ABLIM2: variants seen among roughly 807,000 people sequenced by gnomAD.
ABLIM2 encodes the protein actin binding LIM protein family member 2.
In ABLIM2, 53 loss-of-function variants were observed where a neutral mutation model predicts 97.7. That is an observed-to-expected ratio of 0.54 (90% CI 0.44 to 0.68). The LOEUF (loss-of-function observed/expected upper bound fraction) is 0.68. ABLIM2 is among the 30% of genes least tolerant of loss of function. ABLIM2 has a pLI of 0.00. For synonymous variants in ABLIM2, 361 were observed against 345.8 expected, an observed-to-expected ratio of 1.04 and a Z score of -0.49; for missense variants, 835 against 867.2, an observed-to-expected ratio of 0.96 and a Z score of 0.47.
In ABLIM2 at chr4:8,068,971, C is replaced by T. The variant is rs1809911091; in HGVS notation, c.676-7917G>A. On this transcript the variant is annotated intron_variant, in intron 6 of 20. Transcript: ENST00000447017. This position sits in a 1 kb window ranked among gnomAD's most constrained non-coding sequence, Gnocchi z 4.5. ...GCCAGGACAGAATCCCCAGAATCCC[C>T]AGGGGCCACTGCATCCCAGAAAGAA... Among the ~76,000 whole-genome samples, 1 of 152,276 alleles carries T rather than the reference C, an allele frequency of 6.6e-6. No individual in the cohort carries two copies. The highest frequency in any genetic ancestry group is 2.4e-5 in the African/African-American group (1 of 41,482).
chr4:7,994,032 G>A, intron 16 of ABLIM2: 1 of 464,108 alleles, frequency 2.2e-6, no homozygotes, highest in Non-Finnish European at 4.3e-6. Flanking sequence ...GGAAGGGGCA[G>A]AGCCTGGACC....
chr4:8,063,386 G>A (rs568017873), intron 6 of ABLIM2, among the ~76,000 whole-genome samples: 8 of 152,204 alleles, frequency 5.3e-5, no homozygotes, highest in African/African-American at 1.9e-4. Context: ...TTTCTAAGAC[G>A]ATGGGCTTGA....
rs114990640 is a variant in ABLIM2, at chr4:8,028,382, C to T, written c.1169-525G>A. ...TGCCCTTAGCTCACCTGCTCACCTG[C>T]TCACTCACTCACTCATTTATTCACT... On this transcript the variant is annotated intron_variant, in intron 11 of 20. Coordinates refer to ENST00000447017, the MANE Select transcript of ABLIM2 (RefSeq NM_001130083.2). Among the ~76,000 whole-genome samples, 825 of 152,286 alleles carry T rather than the reference C, an allele frequency of 5.4e-3. 9 individuals are homozygous for T. The highest frequency in any genetic ancestry group is 0.018 in the African/African-American group (757 of 41,540).
intron 3 of ABLIM2, among the ~76,000 whole-genome samples, chr4:8,091,838 T>TGTTATATATAC (rs1828860437): frequency 1.0e-5 from 1 of 99,704 alleles, no homozygotes; most frequent in African/African-American, 4.0e-5. Flanking sequence ...ATAAATAATA[T>TGTTATATATAC]AATATATTAT....
intron 20 of ABLIM2, among the ~76,000 whole-genome samples, chr4:7,974,406 T>C (rs146326773): frequency 0.1 from 13,819 of 133,886 alleles, 850 homozygotes; most frequent in Non-Finnish European, 0.15. Flanking sequence ...CATCCACCCA[T>C]CCATCCACCA....
At chr4:8,026,104 C>T (rs758288533) in intron 12 of ABLIM2, among the ~76,000 whole-genome samples, 16 of 152,158 alleles carry the variant, frequency 1.1e-4, no homozygotes, top group Non-Finnish European at 1.9e-4. Context: ...AACTGCTGGC[C>T]GAAGCAATCC....
chr4:7,973,949 A>C (rs1730448983), intron 20 of ABLIM2, among the ~76,000 whole-genome samples: 1 of 152,296 alleles, frequency 6.6e-6, no homozygotes, highest in Admixed American at 6.5e-5. Flanking sequence ...AGAGAAGGAG[A>C]TCGCCCTCAA....
intron 9 of ABLIM2, among the ~76,000 whole-genome samples, chr4:8,039,360 G>T (rs529243134): frequency 6.6e-6 from 1 of 152,272 alleles, no homozygotes; most frequent in South Asian, 2.1e-4. Context: ...CCTTCCTCAG[G>T]CTTCCCTGAA....
At chr4:8,118,109 T>G (rs1324865544) in intron 1 of ABLIM2, among the ~76,000 whole-genome samples, 3 of 152,230 alleles carry the variant, frequency 2.0e-5, no homozygotes, top group Non-Finnish European at 4.4e-5. Flanking sequence ...CCCTGCCATC[T>G]GCGCAGGAAG....
chr4:8,036,612 G>C lies in ABLIM2; in HGVS notation c.901-317C>G, dbSNP rs534075581. On this transcript the variant is annotated intron_variant, in intron 9 of 20. Transcript: ENST00000447017. ...GGGAACTCCAGAGCAGGCAGGCTTG[G>C]GTCCTGAGGCCCAGCCACAAAAGAG... Among the ~76,000 whole-genome samples the C allele has an allele frequency of 1.3e-4, 20 of 152,324 alleles. No individual in the cohort carries two copies. In the East Asian group the frequency reaches 2.7e-3, roughly 21 times the overall value.
At chr4:8,037,805 C>G (rs1205817486) in intron 9 of ABLIM2, among the ~76,000 whole-genome samples, 4 of 152,266 alleles carry the variant, frequency 2.6e-5, no homozygotes, top group Admixed American at 6.5e-5. Flanking sequence ...CTACCTCTGG[C>G]CTACCCTGGC....
At chr4:8,094,234 A>G (rs904934679) in intron 3 of ABLIM2, among the ~76,000 whole-genome samples, 3 of 152,196 alleles carry the variant, frequency 2.0e-5, no homozygotes, top group Non-Finnish European at 4.4e-5. Context: ...ACTTAAACAT[A>G]TTTACAGTAG....
In ABLIM2 at chr4:8,068,904, A is replaced by G. The variant is rs1050738908; in HGVS notation, c.676-7850T>C. Among the ~76,000 whole-genome samples the G allele has an allele frequency of 1.1e-4, 17 of 152,258 alleles. No homozygotes were observed. Among genetic ancestry groups the G allele is most frequent in the African/African-American group, 4.1e-4 (17 of 41,474 alleles). The stretch of plus-strand genomic sequence containing the variant: ...CAAAATGAAATTTACAAAGAAACAA[A>G]TGAAAGCTGTGAGCAGGGGATCCCC... On this transcript the variant is annotated intron_variant, in intron 6 of 20. Coordinates refer to ENST00000447017, the MANE Select transcript of ABLIM2 (RefSeq NM_001130083.2). This position sits in a 1 kb window ranked among gnomAD's most constrained non-coding sequence, Gnocchi z 4.5.
At chr4:8,138,484 A>G (rs1320738195) in intron 1 of ABLIM2, among the ~76,000 whole-genome samples, 1 of 152,250 alleles carries the variant, frequency 6.6e-6, no homozygotes, top group African/African-American at 2.4e-5. Context: ...ATGAGGCTAC[A>G]GTAACCAAAA....
intron 1 of ABLIM2, among the ~76,000 whole-genome samples, chr4:8,141,944 T>C (rs530971391): frequency 9.8e-5 from 15 of 152,322 alleles, no homozygotes; most frequent in South Asian, 8.3e-4. Flanking sequence ...CCCAGCTCCA[T>C]GCAGGAGCCC....
At position 8,132,681 on chromosome 4, in the gene ABLIM2, G is replaced by A. The variant is rs562951733; in HGVS notation, c.10+25999C>T. ...GGCCCCTACCCCGCTGTCTTCCCTCGGGTGACTCAGTCCTGGGCCTGCAAC... is the reference window on the plus strand; with the variant it reads ...GGCCCCTACCCCGCTGTCTTCCCTCAGGTGACTCAGTCCTGGGCCTGCAAC... On this transcript the variant is annotated intron_variant, in intron 1 of 20. Transcript: ENST00000447017. The surrounding 1 kb of genome is among the most constrained non-coding windows in gnomAD (Gnocchi z 8.0). 5.5e-4 allele frequency among the ~76,000 whole-genome samples: 84 copies of A among 152,264 alleles called. No homozygotes were observed. The highest frequency in any genetic ancestry group is 9.2e-4 in the Admixed American group (14 of 15,294).
At position 8,079,761 on chromosome 4, in the gene ABLIM2, CGTGT is replaced by C. The variant is rs147424853; in HGVS notation, c.581+911_581+914del. On this transcript the variant is annotated intron_variant, in intron 5 of 20. Coordinates refer to ENST00000447017, the MANE Select transcript of ABLIM2 (RefSeq NM_001130083.2). ...GAATGTGCATGCATATGCGTGCGTG[CGTGT>C]GTGTGTGTGTGCGCGCGCCTCACTC... Among the ~76,000 whole-genome samples, 973 of 151,574 alleles carry C rather than the reference CGTGT, an allele frequency of 6.4e-3. 8 individuals carry two copies. The highest frequency in any genetic ancestry group is 9.4e-3 in the Non-Finnish European group (639 of 67,826).
At chr4:8,133,117 C>T (rs902194797) in intron 1 of ABLIM2, among the ~76,000 whole-genome samples, 2 of 152,190 alleles carry the variant, frequency 1.3e-5, no homozygotes, top group East Asian at 1.9e-4. Context: ...CCTGCAGCCG[C>T]GTCACTCCAA....
Position 8,077,616 on chromosome 4 carries a change from C to T in ABLIM2, c.675+12G>A, listed in dbSNP as rs755358600. ...GCTCAGAGCGGGCAGGGGCCCGGCC[C>T]GCCGCGCTTACCTCCAGCACGCGCC... On this transcript the variant is annotated intron_variant, in intron 6 of 20. Transcript: ENST00000447017. 25 of 1,597,342 alleles carry T rather than the reference C, an allele frequency of 1.6e-5. 1 individual carries two copies. In the Admixed American group the frequency reaches 2.6e-4, roughly 17 times the overall value.
Sources: gnomAD v4.1 joint callset for allele counts (sites outside exome capture counted in the v4.1 genomes callset) on GRCh38, gnomAD v4.1.1 for gene constraint, Gnocchi (gnomAD v3.1) non-coding constraint, MANE v1.5 for transcripts, NCBI Gene and HGNC (gene_info 2026-07-23, HGNC 2026-07-21) for gene names.